The following TENM4 variants were observed in gnomAD, a reference collection of about 807,000 sequenced individuals.
TENM4 encodes teneurin transmembrane protein 4.
In TENM4, 82 loss-of-function variants were observed where a neutral mutation model predicts 243.3. The ratio of observed to expected loss-of-function variants is 0.34; its 90% CI spans 0.28 to 0.40. TENM4 has a LOEUF of 0.40. Among genes scored for constraint, TENM4 ranks in the 10% least tolerant of loss-of-function variants. TENM4 has a pLI of 1.00. For synonymous variants in TENM4, 1,412 were observed against 1,456.3 expected, an observed-to-expected ratio of 0.97 and a Z score of 0.69; for missense variants, 3,138 against 3,673.3, an observed-to-expected ratio of 0.85 and a Z score of 3.77.
chr11:78,757,881 A>G (rs75308865), intron 18 of TENM4, among the ~76,000 whole-genome samples: 3,292 of 152,264 alleles, frequency 0.022, 50 homozygotes, highest in Middle Eastern at 0.027. Flanking sequence ...CAGAGTTTCC[A>G]TTAGCAGGGA....
chr11:79,235,722 G>T (rs1399691996), intron 2 of TENM4, among the ~76,000 whole-genome samples: 1 of 152,082 alleles, frequency 6.6e-6, no homozygotes, highest in East Asian at 1.9e-4. Flanking sequence ...AATGTATTTT[G>T]AGCTCTTCAG....
intron 1 of TENM4, among the ~76,000 whole-genome samples, chr11:79,430,924 T>C (rs1859154775): frequency 6.6e-6 from 1 of 152,128 alleles, no homozygotes; most frequent in South Asian, 2.1e-4. Flanking sequence ...AACTCTAGAA[T>C]AGATAAGCCA....
chr11:79,015,097 G>C (rs1191076381), intron 6 of TENM4, among the ~76,000 whole-genome samples: 1 of 152,218 alleles, frequency 6.6e-6, no homozygotes, highest in Admixed American at 6.5e-5. Context: ...AAAAGTCTCT[G>C]TAAGAAGTGC....
intron 2 of TENM4, among the ~76,000 whole-genome samples, chr11:79,283,907 G>T (rs1856203073): frequency 6.6e-6 from 1 of 152,042 alleles, no homozygotes; most frequent in Non-Finnish European, 1.5e-5. Context: ...CTATACACTA[G>T]CAATGAACAA....
At chr11:79,300,857 C>A (rs773944020) in intron 1 of TENM4, among the ~76,000 whole-genome samples, 8 of 152,162 alleles carry the variant, frequency 5.3e-5, no homozygotes, top group Admixed American at 2.0e-4. Context: ...TCCAGCATGT[C>A]TAATCACAGA....
At chr11:78,847,673 T>A (rs758371548) in intron 12 of TENM4, among the ~76,000 whole-genome samples, 9 of 152,208 alleles carry the variant, frequency 5.9e-5, no homozygotes, top group Non-Finnish European at 1.0e-4. Flanking sequence ...GTGCTGCCAA[T>A]GTCATTTACA....
At chr11:79,385,824 T>C (rs1440844853) in intron 1 of TENM4, among the ~76,000 whole-genome samples, 1 of 152,176 alleles carries the variant, frequency 6.6e-6, no homozygotes, top group Non-Finnish European at 1.5e-5. Context: ...TCTCTCTTAG[T>C]CTGTGGACAC....
intron 1 of TENM4, among the ~76,000 whole-genome samples, chr11:79,370,807 AAAG>A (rs1238770353): frequency 2.5e-4 from 27 of 106,638 alleles, no homozygotes; most frequent in East Asian, 6.9e-4. Flanking sequence ...AAAAAAAAAA[AAAG>A]TGATAAATTT....
chr11:79,089,618 T>G (rs1860898617), intron 4 of TENM4, among the ~76,000 whole-genome samples: 2 of 152,090 alleles, frequency 1.3e-5, no homozygotes, highest in South Asian at 4.1e-4. Context: ...TCCCAATGGT[T>G]CAGTGAGCGA....
chr11:78,852,892 G>C (rs1858573888), intron 12 of TENM4, among the ~76,000 whole-genome samples: 1 of 151,620 alleles, frequency 6.6e-6, no homozygotes, highest in Non-Finnish European at 1.5e-5. Flanking sequence ...TGGGACCGCA[G>C]GCATGCACCA....
intron 1 of TENM4, among the ~76,000 whole-genome samples, chr11:79,337,923 G>A (rs1411990143): frequency 6.6e-6 from 1 of 152,208 alleles, no homozygotes; most frequent in Non-Finnish European, 1.5e-5. Flanking sequence ...GCATCTCACA[G>A]CCAGATCAGG....
intron 1 of TENM4, among the ~76,000 whole-genome samples, chr11:79,321,898 A>G (rs549080965): frequency 6.6e-6 from 1 of 152,294 alleles, no homozygotes; most frequent in African/African-American, 2.4e-5. Context: ...ATATCAAGCT[A>G]CTTGGAAGAG....
chr11:79,354,170 C>G (rs556200677), intron 1 of TENM4, among the ~76,000 whole-genome samples: 1 of 152,342 alleles, frequency 6.6e-6, no homozygotes, highest in South Asian at 2.1e-4. Context: ...CCTTAACACT[C>G]TGCCTGGCAC....
At chr11:78,867,713 T>C (rs955287122) in intron 9 of TENM4, among the ~76,000 whole-genome samples, 3 of 152,340 alleles carry the variant, frequency 2.0e-5, no homozygotes, top group Non-Finnish European at 2.9e-5. Context: ...TTCATACTTA[T>C]ATAAAAGTAG....
intron 11 of TENM4, 132 bp downstream of exon 11, chr11:78,855,832 A>G (rs1858667834): frequency 1.2e-6 from 1 of 855,282 alleles, no homozygotes; most frequent in Admixed American, 2.7e-5. Context: ...GAGGGACTAC[A>G]TGAATGAATG....
At chr11:78,666,103 C>T (rs1385966129) in intron 32 of TENM4, among the ~76,000 whole-genome samples, 1 of 152,052 alleles carries the variant, frequency 6.6e-6, no homozygotes, top group Admixed American at 6.6e-5. Flanking sequence ...ATGTAGTCTA[C>T]CTGGATGCTA....
intron 3 of TENM4, among the ~76,000 whole-genome samples, chr11:79,189,970 C>T (rs1863447745): frequency 6.6e-6 from 1 of 152,172 alleles, no homozygotes; most frequent in Non-Finnish European, 1.5e-5. Context: ...TTAGAGGTTG[C>T]TTTTCCACAT....
At chr11:78,952,972 G>C (rs370490157) in intron 6 of TENM4, among the ~76,000 whole-genome samples, 6 of 152,206 alleles carry the variant, frequency 3.9e-5, no homozygotes, top group African/African-American at 1.4e-4. Flanking sequence ...TATAGGTACT[G>C]TTGTTGTTAG....
At chr11:79,170,988 T>C (rs1863027632) in intron 3 of TENM4, among the ~76,000 whole-genome samples, 1 of 152,076 alleles carries the variant, frequency 6.6e-6, no homozygotes, top group African/African-American at 2.4e-5. Context: ...TCAGTTTAAA[T>C]TTGACTTGAG....
Sources: gnomAD v4.1 joint callset for allele counts (sites outside exome capture counted in the v4.1 genomes callset) on GRCh38, gnomAD v4.1.1 for gene constraint, MANE v1.5 for transcripts, NCBI Gene and HGNC (gene_info 2026-07-23, HGNC 2026-07-21) for gene names.